Variants in PPP2R3B observed in about 807,000 individuals in gnomAD.
PPP2R3B encodes protein phosphatase 2 regulatory subunit B''beta, also known as serine/threonine-protein phosphatase 2A regulatory subunit B'' subunit beta.
A neutral mutation model predicts 72.9 loss-of-function variants in PPP2R3B; 68 were observed. The observed-to-expected ratio is 0.93, with a 90% CI of 0.77 to 1.14. The LOEUF (loss-of-function observed/expected upper bound fraction) is 1.14. Ranked by LOEUF, PPP2R3B falls within the 50% of genes most tolerant of loss-of-function variation. PPP2R3B has a pLI of 0.00. For missense variants in PPP2R3B, 1,018 were observed against 842.0 expected (o/e 1.21, Z -2.59); for synonymous variants, 466 against 375.8 (o/e 1.24, Z -2.78).
In PPP2R3B at chrX:334,830, T is replaced by A. The variant is rs1051645599; in HGVS notation, c.1578-313A>T. On this transcript the variant is annotated intron_variant, in intron 12 of 12. Transcript: ENST00000390665. ...CAAAGCGAGCTGCACGGGACCTGTG[T>A]TTACAACTGGGTCGTGGTGTCCACA... The A allele has an allele frequency of 1.5e-5, 5 of 332,164 alleles. 1 individual carries two copies. The highest frequency in any genetic ancestry group is 2.7e-5 in the Non-Finnish European group (5 of 183,750). The allele number at this position is 332,164 out of a possible 1,614,324, so 20.6% of individuals were successfully genotyped here. A position where few individuals can be genotyped will look rare whatever the true frequency, so the allele number is the denominator to read the frequency against.
chrX:364,363 C>T (rs1413788364), intron 1 of PPP2R3B, among the ~76,000 whole-genome samples: 1 of 151,914 alleles, frequency 6.6e-6, no homozygotes, highest in South Asian at 2.1e-4. Context: ...AACTCACGGT[C>T]ACCAGGATGC....
At chrX:383,718 G>C (rs1434628777) in intron 1 of PPP2R3B, among the ~76,000 whole-genome samples, 1 of 151,026 alleles carries the variant, frequency 6.6e-6, no homozygotes, top group Non-Finnish European at 1.5e-5. Context: ...GGCGCCTGTA[G>C]TCCCAGCTAC....
chrX:361,931 G>A (rs1405245914), intron 1 of PPP2R3B, among the ~76,000 whole-genome samples: 1 of 152,044 alleles, frequency 6.6e-6, no homozygotes, highest in Admixed American at 6.6e-5. Context: ...ATTCCCATGA[G>A]CCACACCACT....
intron 12 of PPP2R3B, chrX:338,247 G>A (rs1286221068): frequency 4.2e-5 from 18 of 431,382 alleles, no homozygotes; most frequent in Middle Eastern, 6.6e-4. Context: ...GAATGGCCAC[G>A]GGCCCTGCAG....
chrX:355,561 G>A (rs2071418513), intron 2 of PPP2R3B, among the ~76,000 whole-genome samples: 1 of 152,188 alleles, frequency 6.6e-6, no homozygotes, highest in South Asian at 2.1e-4. Flanking sequence ...CAGAAAGCCG[G>A]AAGTGGAACT....
In PPP2R3B at chrX:338,651, G is replaced by A. The variant is rs778068322; in HGVS notation, c.1530C>T (p.Tyr510=). Reference sequence around the variant, plus strand: ...CAGTCTCCTCGGCCACCAGGATGTCGTACTCCTCGGCCGCGTACTTCTCCC... The same window carrying A: ...CAGTCTCCTCGGCCACCAGGATGTCATACTCCTCGGCCGCGTACTTCTCCC... The part of the protein sequence containing the change: ...SDWEKYAAEE[Y]DILVAEETAG... Residue 510 remains tyrosine (Y), a synonymous_variant, in exon 12 of 13, where the codon TAC becomes TAT. Transcript: ENST00000390665. 102 of 1,610,932 alleles carry A rather than the reference G, an allele frequency of 6.3e-5. No homozygotes were observed. The highest frequency in any genetic ancestry group is 7.9e-5 in the Non-Finnish European group (93 of 1,179,602).
chrX:354,695 G>GA (rs1340340965), intron 2 of PPP2R3B, among the ~76,000 whole-genome samples: 1 of 152,056 alleles, frequency 6.6e-6, no homozygotes, highest in African/African-American at 2.4e-5. Flanking sequence ...TACCAAAAAA[G>GA]AAAAAATCAG....
chrX:375,199 G>A (rs1345259668), intron 1 of PPP2R3B, among the ~76,000 whole-genome samples: 5 of 152,170 alleles, frequency 3.3e-5, no homozygotes, highest in Admixed American at 6.5e-5. Flanking sequence ...GGATTCAGAA[G>A]TCGGCCTCTG....
At position 371,633 on chromosome X, in the gene PPP2R3B, G is replaced by A. The variant is rs770777985; in HGVS notation, c.325-10043C>T. On this transcript the variant is annotated intron_variant, in intron 1 of 12. Transcript: ENST00000390665. ...TCAGAGGACCCCTGAAAACAGTACC[G>A]TGCTGCCCGGCCGGGAGCGTCCGAA... 1.8e-4 allele frequency among the ~76,000 whole-genome samples: 28 copies of A among 152,178 alleles called. 1 individual carries two copies. Among genetic ancestry groups the A allele is most frequent in the Middle Eastern group, 3.4e-3 (1 of 292 alleles).
intron 2 of PPP2R3B, among the ~76,000 whole-genome samples, chrX:356,207 G>T (rs2738334): frequency 0.29 from 43,548 of 151,740 alleles, 6,694 homozygotes; most frequent in East Asian, 0.38. Flanking sequence ...CGGAAGCAGG[G>T]TTTTTTGTTT....
In PPP2R3B at chrX:340,862, C is replaced by T. The variant is rs1043902091; in HGVS notation, c.1254G>A (p.Glu418=). Residue 418 remains glutamate, a synonymous_variant, in exon 10 of 13, where the codon GAG becomes GAA. Transcript: ENST00000390665. ...LSMFELEYFY[E]EQCRRLDSMA... ...TGCTGTCCAGCCTTCGGCACTGCTC[C>T]TCGTAGAAGTACTCGAGCTCGAACA... The T allele has an allele frequency of 1.9e-6, 3 of 1,612,074 alleles. No individual in the cohort carries two copies. In the African/African-American group the frequency reaches 4.0e-5, roughly 22 times the overall value.
In PPP2R3B at chrX:368,226, G is replaced by A. The variant is rs756194319; in HGVS notation, c.325-6636C>T. On this transcript the variant is annotated intron_variant, in intron 1 of 12. Transcript: ENST00000390665. Reference sequence around the variant, plus strand: ...GGGATCACCCACCCCGGGCACTGACGGGGGGAAGGCCGGGACCACCCACCC... The same window carrying A: ...GGGATCACCCACCCCGGGCACTGACAGGGGGAAGGCCGGGACCACCCACCC... 9.4e-4 allele frequency among the ~76,000 whole-genome samples: 118 copies of A among 125,388 alleles called. 1 individual carries two copies. Among genetic ancestry groups the A allele is most frequent in the African/African-American group, 3.2e-3 (101 of 31,666 alleles). The allele number at this position is 125,388 out of a possible 152,430, so 82.3% of individuals were successfully genotyped here.
chrX:340,365 T>C (rs1282401586), intron 10 of PPP2R3B, among the ~76,000 whole-genome samples: 1 of 151,492 alleles, frequency 6.6e-6, no homozygotes, highest in African/African-American at 2.4e-5. Flanking sequence ...TCTTGCACTG[T>C]GAGACTAGGC....
chrX:361,723 T>C, intron 1 of PPP2R3B, 133 bp from the exon 2 acceptor site: 1 of 979,152 alleles, frequency 1.0e-6, no homozygotes, highest in Non-Finnish European at 1.5e-6. Context: ...GAGGACACAC[T>C]GCAATCCCTG....
chrX:353,199 C>A (rs1427063732), intron 2 of PPP2R3B, among the ~76,000 whole-genome samples: 2 of 152,002 alleles, frequency 1.3e-5, no homozygotes, highest in East Asian at 1.9e-4. Flanking sequence ...CATGGTGAAA[C>A]CCCATCTCTC....
At chrX:355,180 A>G (rs1020735016) in intron 2 of PPP2R3B, among the ~76,000 whole-genome samples, 1 of 152,238 alleles carries the variant, frequency 6.6e-6, no homozygotes, top group African/African-American at 2.4e-5. Context: ...GAAAATGCAA[A>G]GTCCACATAT....
chrX:341,716 C>CT (rs1157519974), intron 8 of PPP2R3B, 167 bp downstream of exon 8: 1 of 794,306 alleles, frequency 1.3e-6, no homozygotes, highest in African/African-American at 1.7e-5. Flanking sequence ...GCCACCCCCC[C>CT]CCACTAGGGA....
intron 10 of PPP2R3B, 78 bp downstream of exon 10, chrX:340,687 C>T (rs1299018095): frequency 6.5e-7 from 1 of 1,545,128 alleles, no homozygotes; most frequent in Non-Finnish European, 8.8e-7. Context: ...GTCCTCTCGC[C>T]CGTCCGTCCC....
Position 341,284 on chromosome X carries a change from C to T in PPP2R3B, c.1175+23G>A, listed in dbSNP as rs750103920. On this transcript the variant is annotated intron_variant, in intron 9 of 12. Coordinates refer to ENST00000390665, the MANE Select transcript of PPP2R3B (RefSeq NM_013239.5). ...CTCCCGGCCCCTCCACTGGGACAAA[C>T]GCATGCCGCAGCAGGAACCCACCTG... is the stretch of plus-strand genomic sequence containing the variant. The T allele has an allele frequency of 5.1e-5, 82 of 1,608,358 alleles. 1 individual carries two copies. In the East Asian group the frequency reaches 1.7e-3, roughly 33 times the overall value.
Sources: gnomAD v4.1 joint callset for allele counts (sites outside exome capture counted in the v4.1 genomes callset) on GRCh38, gnomAD v4.1.1 for gene constraint, MANE v1.5 for transcripts, NCBI Gene and HGNC (gene_info 2026-07-23, HGNC 2026-07-21) for gene names.